ADGRG4: variants seen among roughly 807,000 people sequenced by gnomAD.
The protein encoded by ADGRG4 is G protein-coupled receptor 112.
Under a neutral mutation model 126.2 loss-of-function variants are expected in ADGRG4, and 122 were observed. That is an observed-to-expected ratio of 0.97 (90% CI 0.83 to 1.12). The LOEUF (loss-of-function observed/expected upper bound fraction) is 1.12. Ranked by LOEUF, ADGRG4 falls within the 50% of genes most tolerant of loss-of-function variation. The pLI is 0.00. For synonymous variants in ADGRG4, 943 were observed against 838.7 expected, an observed-to-expected ratio of 1.12 and a Z score of -2.15; for missense variants, 2,481 against 2,251.8, an observed-to-expected ratio of 1.10 and a Z score of -2.06.
intron 13 of ADGRG4, among the ~76,000 whole-genome samples, chrX:136,371,078 G>A (rs1277578375): frequency 1.8e-5 from 2 of 111,629 alleles, no homozygotes; most frequent in Non-Finnish European, 3.8e-5. Flanking sequence ...GGGACAAAAC[G>A]ATTTCCCTGG....
Position 136,403,327 on chromosome X carries a change from G to A in ADGRG4, c.8654+5G>A, listed in dbSNP as rs745505456. ...TCTGAGCCCAACAACTCCGTTGTAAGTACCAGCATCTCTGTTTCTCTGGTG... is the reference window on the plus strand; with the variant it reads ...TCTGAGCCCAACAACTCCGTTGTAAATACCAGCATCTCTGTTTCTCTGGTG... On this transcript the variant is annotated splice_donor_5th_base_variant and intron_variant, in intron 22 of 25. Transcript: ENST00000394143. 3.5e-5 allele frequency: 41 copies of A among 1,179,092 alleles called. No homozygotes were observed. The highest frequency in any genetic ancestry group is 4.5e-5 in the Non-Finnish European group (39 of 867,252).
chrX:136,364,444 A>C (rs1344701738), intron 13 of ADGRG4, among the ~76,000 whole-genome samples: 1 of 112,000 alleles, frequency 8.9e-6, no homozygotes, highest in East Asian at 2.8e-4. Flanking sequence ...TTATTATATC[A>C]GCCTATAAAG....
chrX:136,331,413 AC>A (rs1399186841), intron 5 of ADGRG4, among the ~76,000 whole-genome samples: 2 of 111,979 alleles, frequency 1.8e-5, no homozygotes, highest in Non-Finnish European at 3.8e-5. Context: ...TTTTTTAGGA[AC>A]CTCCAAACTG....
At chrX:136,357,637 AG>A in intron 9 of ADGRG4, 66 bp from the exon 10 acceptor site, 1 of 732,255 alleles carries the variant, frequency 1.4e-6, no homozygotes, top group Non-Finnish European at 2.1e-6. Context: ...GTTAACAATA[AG>A]CCCTGTACTC....
intron 5 of ADGRG4, among the ~76,000 whole-genome samples, chrX:136,342,976 T>C (rs2074989302): frequency 9.4e-6 from 1 of 106,522 alleles, no homozygotes; most frequent in East Asian, 2.9e-4. Flanking sequence ...ATTTTGGTTG[T>C]ATTATGGAAC....
intron 15 of ADGRG4, 73 bp from the exon 16 acceptor site, chrX:136,387,667 G>C: frequency 1.0e-6 from 1 of 983,885 alleles, no homozygotes; most frequent in South Asian, 2.2e-5. Context: ...GGCTGAGCTG[G>C]GGTGGGAGGT....
chrX:136,319,756 A>G (rs2074828889), intron 4 of ADGRG4, among the ~76,000 whole-genome samples: 1 of 108,459 alleles, frequency 9.2e-6, no homozygotes. Flanking sequence ...TCTATCATCT[A>G]TCTATTATCT....
At chrX:136,307,912 G>C (rs1603290064) in intron 3 of ADGRG4, among the ~76,000 whole-genome samples, 1 of 112,206 alleles carries the variant, frequency 8.9e-6, no homozygotes, top group African/African-American at 3.2e-5. Context: ...GAGAGAAGCT[G>C]GGTGAACATA....
Position 136,363,590 on chromosome X carries a change from G to C in ADGRG4, c.7391G>C (p.Ser2464Thr). ...GTGGATCTTGCTAATATTACCATAA[G>C]TGATGGTAAGATTGTTTTGTACATA... is the stretch of plus-strand genomic sequence containing the variant. ...KIVDLANITI[S>T]DENAEDVAEH... Residue 2464 changes from serine (S) to threonine (T), a missense_variant, in exon 13 of 26, where the codon AGT (serine) becomes ACT (threonine). Transcript: ENST00000394143. 1.9e-6 allele frequency: 2 copies of C among 1,070,288 alleles called. No individual in the cohort carries two copies. Among genetic ancestry groups the C allele is most frequent in the Non-Finnish European group, 2.6e-6 (2 of 766,835 alleles). The allele number at this position is 1,070,288 out of a possible 1,213,427, so 88.2% of individuals were successfully genotyped here.
intron 15 of ADGRG4, among the ~76,000 whole-genome samples, chrX:136,373,760 T>C (rs2075208635): frequency 9.1e-6 from 1 of 109,646 alleles, no homozygotes; most frequent in African/African-American, 3.3e-5. Flanking sequence ...AACTCAGGAG[T>C]TTGAGACCAG....
intron 5 of ADGRG4, among the ~76,000 whole-genome samples, chrX:136,336,768 G>A (rs2074950637): frequency 8.9e-6 from 1 of 111,907 alleles, no homozygotes; most frequent in South Asian, 3.7e-4. Context: ...AGCAACATAT[G>A]GGTTACTTGA....
At chrX:136,367,331 C>G (rs1013607875) in intron 13 of ADGRG4, among the ~76,000 whole-genome samples, 1 of 112,365 alleles carries the variant, frequency 8.9e-6, no homozygotes, top group East Asian at 2.8e-4. Flanking sequence ...CTGATTATTT[C>G]TAGATCAGAA....
chrX:136,363,929 C>T (rs1250291378), intron 13 of ADGRG4, among the ~76,000 whole-genome samples: 1 of 110,505 alleles, frequency 9.0e-6, no homozygotes, highest in Admixed American at 9.7e-5. Flanking sequence ...CCTGCCTCAG[C>T]CTCCCGAGTA....
chrX:136,381,802 A>G (rs2148487354), intron 15 of ADGRG4, among the ~76,000 whole-genome samples: 1 of 111,452 alleles, frequency 9.0e-6, no homozygotes, highest in South Asian at 3.9e-4. Context: ...AAGGAGAGCC[A>G]GTCCGAGTCT....
chrX:136,380,388 T>G (rs1300186616), intron 15 of ADGRG4, among the ~76,000 whole-genome samples: 1 of 111,618 alleles, frequency 9.0e-6, no homozygotes, highest in African/African-American at 3.3e-5. Flanking sequence ...GTTGATCCTT[T>G]TAAACAACCT....
chrX:136,332,904 T>C (rs1367337972), intron 5 of ADGRG4, among the ~76,000 whole-genome samples: 1 of 111,341 alleles, frequency 9.0e-6, no homozygotes, highest in Non-Finnish European at 1.9e-5. Flanking sequence ...TTCTGGATAT[T>C]AGCCCTTTTC....
At chrX:136,402,290 T>C (rs984106344) in intron 21 of ADGRG4, among the ~76,000 whole-genome samples, 3 of 111,954 alleles carry the variant, frequency 2.7e-5, no homozygotes, top group Non-Finnish European at 3.8e-5. Flanking sequence ...GGATCTTTTT[T>C]TTTTATTTTC....
At chrX:136,362,490 G>A (rs1004313676) in intron 12 of ADGRG4, among the ~76,000 whole-genome samples, 1 of 111,850 alleles carries the variant, frequency 8.9e-6, no homozygotes, top group East Asian at 2.8e-4. Context: ...AAGTATGGCT[G>A]CTATCATGCC....
chrX:136,347,647 C>T lies in ADGRG4; in HGVS notation c.3941C>T (p.Ser1314Leu), dbSNP rs751562884. Residue 1314 changes from serine to leucine, a missense_variant, in exon 6 of 26, where the codon TCG (serine) becomes TTG (leucine). By Grantham distance (145) the Ser-to-Leu change is moderately radical. Transcript: ENST00000394143. ...TTKISSHQTH[S>L]PSEIPLGTPS... Reference sequence around the variant, plus strand: ...AAAATTTCCAGTCACCAAACACATTCGCCTTCAGAGATTCCACTTGGGACT... The same window carrying T: ...AAAATTTCCAGTCACCAAACACATTTGCCTTCAGAGATTCCACTTGGGACT... The T allele has an allele frequency of 1.8e-5, 22 of 1,207,997 alleles. No individual in the cohort carries two copies. The highest frequency in any genetic ancestry group is 2.3e-5 in the Non-Finnish European group (21 of 894,019).
Sources: gnomAD v4.1 joint callset for allele counts (sites outside exome capture counted in the v4.1 genomes callset) on GRCh38, gnomAD v4.1.1 for gene constraint, MANE v1.5 for transcripts, NCBI Gene and HGNC (gene_info 2026-07-23, HGNC 2026-07-21) for gene names.